ZNF264: variants seen among roughly 807,000 people sequenced by gnomAD.
ZNF264 encodes the protein zinc finger protein 264.
Under a neutral mutation model 11.2 loss-of-function variants are expected in ZNF264, and 11 were observed. The ratio of observed to expected loss-of-function variants is 0.98; its 90% confidence interval spans 0.62 to 1.63. ZNF264 has a LOEUF of 1.63. Among genes scored for constraint, ZNF264 ranks in the 40% most tolerant of loss-of-function variants. ZNF264 has a pLI of 0.00. For synonymous variants in ZNF264, 309 were observed against 279.8 expected (o/e 1.10, Z -1.04); for missense variants, 752 against 768.1 (o/e 0.98, Z 0.25).
intron 3 of ZNF264, among the ~76,000 whole-genome samples, chr19:57,208,314 G>A (rs1263361605): frequency 6.6e-6 from 1 of 152,168 alleles, no homozygotes; most frequent in Non-Finnish European, 1.5e-5. Flanking sequence ...GGATGCTGAG[G>A]TGGGAGGATT....
chr19:57,215,971 A>G lies in ZNF264; in HGVS notation c.*2990A>G, dbSNP rs2087377245. 6 of 152,312 alleles carry G rather than the reference A, an allele frequency of 3.9e-5. No individual in the cohort carries two copies. The South Asian group carries it at 1.2e-3, about 32-fold the overall frequency. 9.4% of individuals were successfully genotyped at this position (152,312 alleles called of 1,614,324 possible). ...GGGTGGAGTTTCTATAAATGTCTCT[A>G]TGATCCTGCTCATTGTTATTCAAGT... On this transcript the variant is annotated 3_prime_UTR_variant, in exon 4 of 4. Coordinates refer to ENST00000263095, the MANE Select transcript of ZNF264 (RefSeq NM_003417.5).
intron 2 of ZNF264, 47 bp downstream of exon 2, chr19:57,194,048 C>CTT: frequency 6.4e-7 from 1 of 1,558,352 alleles, no homozygotes; most frequent in Non-Finnish European, 8.7e-7. Context: ...CTGCCACTTC[C>CTT]TTCATTCCAT....
At chr19:57,191,995 G>A (rs772219408) in intron 1 of ZNF264, 49 bp downstream of exon 1, 32 of 1,488,824 alleles carry the variant, frequency 2.1e-5, no homozygotes, top group Non-Finnish European at 2.8e-5. Flanking sequence ...CAGCGCTGAG[G>A]CGGTTTCCGA....
At chr19:57,196,189 C>T (rs777185919) in intron 2 of ZNF264, among the ~76,000 whole-genome samples, 2 of 151,938 alleles carry the variant, frequency 1.3e-5, no homozygotes, top group Non-Finnish European at 2.9e-5. Flanking sequence ...ATTCTGTGAG[C>T]ATGAGCCCAC....
In ZNF264 at chr19:57,193,797, C is replaced by A. The variant is rs1289239556; in HGVS notation, c.34-78C>A. 5.1e-6 allele frequency: 8 copies of A among 1,577,986 alleles called. No individual in the cohort carries two copies. In the East Asian group the frequency reaches 1.8e-4, roughly 36 times the overall value. On this transcript the variant is annotated intron_variant, in intron 1 of 3. Coordinates refer to ENST00000263095, the MANE Select transcript of ZNF264 (RefSeq NM_003417.5). Reference sequence around the variant, plus strand: ...GATTCAGGCCGCCATCACTGTACACCTTTTCCAGTGGAGCACAGTCTGTGA... The same window carrying A: ...GATTCAGGCCGCCATCACTGTACACATTTTCCAGTGGAGCACAGTCTGTGA...
rs1311624172 is a variant in ZNF264, at chr19:57,217,431, T to C, written c.*4450T>C. The C allele has an allele frequency of 6.6e-6, 1 of 152,194 alleles. No individual in the cohort carries two copies. The highest frequency in any genetic ancestry group is 1.5e-5 in the Non-Finnish European group (1 of 68,036). The allele number at this position is 152,194 out of a possible 1,614,324, so 9.4% of individuals were successfully genotyped here. On this transcript the variant is annotated 3_prime_UTR_variant, in exon 4 of 4. Coordinates refer to ENST00000263095, the MANE Select transcript of ZNF264 (RefSeq NM_003417.5). Reference sequence around the variant, plus strand: ...CAAGATGTAATTTTTCTTTTCCTTTTTTTTGAGACCAAGTCTCACTCTGTC... The same window carrying C: ...CAAGATGTAATTTTTCTTTTCCTTTCTTTTGAGACCAAGTCTCACTCTGTC...
chr19:57,195,852 C>A (rs1473404253), intron 2 of ZNF264, among the ~76,000 whole-genome samples: 2 of 151,734 alleles, frequency 1.3e-5, no homozygotes, highest in East Asian at 3.8e-4. Flanking sequence ...AGCATTCCTC[C>A]CTCTGAAACT....
rs1447142507 is a variant in ZNF264 at position 57,216,830 on chromosome 19, GTTGT to G, written c.*3852_*3855del. The G allele has an allele frequency of 6.7e-6, 1 of 148,596 alleles. No individual in the cohort carries two copies. The highest frequency in any genetic ancestry group is 1.5e-5 in the Non-Finnish European group (1 of 67,128). 9.2% of individuals were successfully genotyped at this position (148,596 alleles called of 1,614,324 possible). The stretch of plus-strand genomic sequence containing the variant: ...TTTTATTGTTCCTCTGTTATTTGGG[GTTGT>G]TTACTAGTCTTCCTATAGGTTACTT... On this transcript the variant is annotated 3_prime_UTR_variant, in exon 4 of 4. Transcript: ENST00000263095.
intron 2 of ZNF264, among the ~76,000 whole-genome samples, 163 bp from the exon 3 acceptor site, chr19:57,205,234 A>T (rs1314438401): frequency 1.3e-5 from 2 of 152,228 alleles, no homozygotes; most frequent in Non-Finnish European, 2.9e-5. Flanking sequence ...TTATGTAATT[A>T]TGGAAACCTT....
At position 57,221,048 on chromosome 19, in the gene ZNF264, C is replaced by T. The variant is rs2087413498; in HGVS notation, c.*8067C>T. The stretch of plus-strand genomic sequence containing the variant: ...TGACCTCAAAGATAATCTACCTGGG[C>T]TTTTTTTGTTTGTTTGTTTTGAGAT... On this transcript the variant is annotated 3_prime_UTR_variant, in exon 4 of 4. Transcript: ENST00000263095. The T allele has an allele frequency of 6.6e-6, 1 of 152,194 alleles. No individual in the cohort carries two copies. The highest frequency in any genetic ancestry group is 1.5e-5 in the Non-Finnish European group (1 of 68,184). 9.4% of individuals were successfully genotyped at this position (152,194 alleles called of 1,614,324 possible).
At chr19:57,201,746 T>C (rs1834857526) in intron 2 of ZNF264, among the ~76,000 whole-genome samples, 1 of 151,876 alleles carries the variant, frequency 6.6e-6, no homozygotes, top group Admixed American at 6.6e-5. Flanking sequence ...TACAGCACTT[T>C]AGGCCAGAAA....
chr19:57,211,549 C>A lies in ZNF264; in HGVS notation c.452C>A (p.Pro151His). 2 of 1,614,034 alleles carry A rather than the reference C, an allele frequency of 1.2e-6. No individual in the cohort carries two copies. Among genetic ancestry groups the A allele is most frequent in the East Asian group, 4.5e-5 (2 of 44,848 alleles). ...RPGIDPQEKS[P>H]GKMSPECDGL... ...GGAATAGATCCCCAGGAGAAGTCTC[C>A]TGGGAAGATGAGCCCTGAATGTGAT... is the stretch of plus-strand genomic sequence containing the variant. The change falls in exon 4 of 4, where the codon CCT becomes CAT. Residue 151 changes from proline (P) to histidine (H), a missense_variant. Pro to His is a moderately conservative substitution (Grantham distance 77). Transcript: ENST00000263095.
At chr19:57,210,332 TC>T (rs1473854277) in intron 3 of ZNF264, among the ~76,000 whole-genome samples, 3 of 152,196 alleles carry the variant, frequency 2.0e-5, no homozygotes, top group East Asian at 3.9e-4. Context: ...GTCTAACTCT[TC>T]CGACACGGAC....
chr19:57,192,057 G>C, intron 1 of ZNF264, 111 bp downstream of exon 1: 1 of 1,089,100 alleles, frequency 9.2e-7, no homozygotes, highest in East Asian at 3.2e-5. Flanking sequence ...GTCGTCGTTC[G>C]CTTTGGTGTG....
intron 2 of ZNF264, among the ~76,000 whole-genome samples, chr19:57,199,772 A>T (rs1378746787): frequency 6.6e-6 from 1 of 151,948 alleles, no homozygotes; most frequent in East Asian, 1.9e-4. Context: ...GACTTTAGTT[A>T]TAGGTCTAGA....
Position 57,217,399 on chromosome 19 carries a change from T to C in ZNF264, c.*4418T>C, listed in dbSNP as rs1356421070. ...TAATTCCTCTTCAAAAATTGAGCGCTATGTTGCAAGATGTAATTTTTCTTT... is the reference window on the plus strand; with the variant it reads ...TAATTCCTCTTCAAAAATTGAGCGCCATGTTGCAAGATGTAATTTTTCTTT... On this transcript the variant is annotated 3_prime_UTR_variant, in exon 4 of 4. Transcript: ENST00000263095. 6.6e-6 allele frequency: 1 copy of C among 152,212 alleles called. No individual in the cohort carries two copies. Among genetic ancestry groups the C allele is most frequent in the Non-Finnish European group, 1.5e-5 (1 of 68,030 alleles). The allele number at this position is 152,212 out of a possible 1,614,324, so 9.4% of individuals were successfully genotyped here.
intron 3 of ZNF264, among the ~76,000 whole-genome samples, chr19:57,208,995 A>G (rs139846402): frequency 1.8e-4 from 27 of 152,226 alleles, no homozygotes; most frequent in African/African-American, 6.0e-4. Context: ...TTTTTATTTT[A>G]TGATGAATGC....
At chr19:57,211,248 C>A in intron 3 of ZNF264, 106 bp from the exon 4 acceptor site, 1 of 1,156,654 alleles carries the variant, frequency 8.6e-7, no homozygotes, top group Non-Finnish European at 1.2e-6. Flanking sequence ...AAAATAGCAA[C>A]ACAGAGGCAA....
chr19:57,215,878 A>G lies in ZNF264; in HGVS notation c.*2897A>G, dbSNP rs915334978. The G allele has an allele frequency of 6.6e-6, 1 of 152,104 alleles. No individual in the cohort carries two copies. Among genetic ancestry groups the G allele is most frequent in the African/African-American group, 2.4e-5 (1 of 41,430 alleles). 9.4% of individuals were successfully genotyped at this position (152,104 alleles called of 1,614,324 possible). ...TGTTTAAATGTGTTAACATTTTTTT[A>G]TGACCCAGGATAGGGTCTATCTTGT... is the stretch of plus-strand genomic sequence containing the variant. On this transcript the variant is annotated 3_prime_UTR_variant, in exon 4 of 4. Coordinates refer to ENST00000263095, the MANE Select transcript of ZNF264 (RefSeq NM_003417.5).
Sources: allele counts gnomAD v4.1 joint callset (sites outside exome capture counted in the v4.1 genomes callset), GRCh38; gene constraint gnomAD v4.1.1; transcripts MANE v1.5; gene names NCBI Gene and HGNC (gene_info 2026-07-23, HGNC 2026-07-21).